Variants in MCM5 observed in about 807,000 individuals in gnomAD.
MCM5 encodes the protein minichromosome maintenance complex component 5.
Under a neutral mutation model 79.9 loss-of-function variants are expected in MCM5, and 46 were observed. The observed-to-expected ratio is 0.58, with a 90% CI of 0.45 to 0.74. The LOEUF is 0.74. Ranked by LOEUF, MCM5 falls within the 30% of genes least tolerant of loss-of-function variation. The pLI is 0.00. For missense variants in MCM5, 883 were observed against 1,017.0 expected (o/e 0.87, Z 1.79); for synonymous variants, 404 against 390.5 (o/e 1.03, Z -0.41).
At chr22:35,432,416 C>G in the MCM5 span, among the ~76,000 whole-genome samples, 1 of 152,152 alleles carries the variant, frequency 6.6e-6, no homozygotes, top group African/African-American at 2.4e-5. Context: ...ACATAAGCGC[C>G]TCACCCTGGG....
rs1208456961 is a variant in MCM5 at position 35,416,736 on chromosome 22, T to G, written c.1512T>G (p.Ile504Met). ...RWDETKGEDN[I>M]DFMPTILSRF... ...ATGAGACGAAGGGGGAGGACAACAT[T>G]GACTTCATGCCCACCATCTTGTCGC... The change falls in exon 12 of 17, where the codon ATT (isoleucine) becomes ATG (methionine). Residue 504 changes from isoleucine to methionine, a missense_variant. Physicochemically the swap from Ile to Met is conservative, Grantham distance 10. This residue lies in a region of MCM5 where 426 missense variants were observed against 482.3 expected (regional missense o/e 0.88). Coordinates refer to ENST00000216122, the MANE Select transcript of MCM5 (RefSeq NM_006739.4). 6.2e-7 allele frequency: 1 copy of G among 1,614,072 alleles called. No homozygotes were observed. The highest frequency in any genetic ancestry group is 1.1e-5 in the South Asian group (1 of 91,074).
Position 35,419,968 on chromosome 22 carries a change from C to T in MCM5, c.1788C>T (p.His596=), listed in dbSNP as rs756212519. The change falls in exon 14 of 17, where the codon CAC becomes CAT. Residue 596 remains histidine (H), a synonymous_variant. Transcript: ENST00000216122. ...YIIMRSGARQ[H]ERDSDRRSSI... is the part of the protein sequence containing the mutation. ...TCATGCGGAGCGGGGCCCGTCAGCACGAGAGGGACAGTGACCGCCGCTCCA... is the reference window on the plus strand; with the variant it reads ...TCATGCGGAGCGGGGCCCGTCAGCATGAGAGGGACAGTGACCGCCGCTCCA... The T allele has an allele frequency of 3.5e-5, 56 of 1,612,720 alleles. No homozygotes were observed. In the Admixed American group the frequency reaches 3.5e-4, roughly 10 times the overall value.
chr22:35,412,392 TGGCCCTAAG>T lies in MCM5; in HGVS notation c.920-105_920-97del, dbSNP rs370433564. 1.3e-3 allele frequency: 1,006 copies of T among 767,960 alleles called. 13 individuals are homozygous for T. Among genetic ancestry groups the T allele is most frequent in the African/African-American group, 0.013 (735 of 56,270 alleles). The allele number at this position is 767,960 out of a possible 1,614,324, so 47.6% of individuals were successfully genotyped here. ...TTTACTCAGATAGGTTGTGCTGTCCTGGCCCTAAGGGCCCTAAGGGCTCTGCCTTCTGGG... is the reference window on the plus strand; with the variant it reads ...TTTACTCAGATAGGTTGTGCTGTCCTGGCCCTAAGGGCTCTGCCTTCTGGG... On this transcript the variant is annotated intron_variant, in intron 7 of 16. Coordinates refer to ENST00000216122, the MANE Select transcript of MCM5 (RefSeq NM_006739.4).
At chr22:35,452,580 G>A in the MCM5 span, among the ~76,000 whole-genome samples, 2 of 152,150 alleles carry the variant, frequency 1.3e-5, no homozygotes, top group African/African-American at 4.8e-5. Context: ...GTCTGGCAGC[G>A]GGCAGGGCAG....
the MCM5 span, among the ~76,000 whole-genome samples, chr22:35,451,716 A>G: frequency 1.3e-5 from 2 of 152,236 alleles, no homozygotes; most frequent in African/African-American, 2.4e-5. Context: ...GGCCCTCAGC[A>G]TATGATGTCA....
intron 8 of MCM5, 128 bp from the exon 9 acceptor site, chr22:35,413,747 C>G: frequency 3.0e-6 from 2 of 658,676 alleles, no homozygotes; most frequent in Non-Finnish European, 5.6e-6. Context: ...CAGCCACTAC[C>G]TTCTTACCAA....
chr22:35,437,038 C>G, the MCM5 span, among the ~76,000 whole-genome samples: 1 of 152,228 alleles, frequency 6.6e-6, no homozygotes, highest in Non-Finnish European at 1.5e-5. Flanking sequence ...AGAAATTTCT[C>G]TGAACACAGC....
chr22:35,421,915 T>G, intron 15 of MCM5: 1 of 278,228 alleles, frequency 3.6e-6, no homozygotes, highest in Non-Finnish European at 7.1e-6. Flanking sequence ...AAGATCACAG[T>G]CGCTTGGCTG....
the MCM5 span, among the ~76,000 whole-genome samples, chr22:35,451,505 T>G: frequency 6.6e-6 from 1 of 152,112 alleles, no homozygotes; most frequent in East Asian, 1.9e-4. Context: ...ATCTCCAGAG[T>G]TCTCTGACTC....
In MCM5 at chr22:35,424,252, G is replaced by A. The variant is rs748877807; in HGVS notation, c.2202G>A (p.Lys734=). ...AGCGCAAGGTTCTCTACCGCCTCAA[G>A]TGAGTCGCGCCGCCTCACTGGACTC... ...RMQRKVLYRL[K] is the part of the protein sequence containing the mutation. Residue 734 remains lysine, a synonymous_variant, in exon 17 of 17, where the codon AAG becomes AAA. Coordinates refer to ENST00000216122, the MANE Select transcript of MCM5 (RefSeq NM_006739.4). The A allele has an allele frequency of 1.9e-6, 3 of 1,543,472 alleles. No individual in the cohort carries two copies. Among genetic ancestry groups the A allele is most frequent in the East Asian group, 2.5e-5 (1 of 40,462 alleles).
the MCM5 span, among the ~76,000 whole-genome samples, chr22:35,453,817 TATAGAGAGAG>T: frequency 3.8e-5 from 3 of 78,258 alleles, no homozygotes; most frequent in Non-Finnish European, 7.5e-5. Context: ...TATATATATA[TATAGAGAGAG>T]AGAGAGAGAG....
chr22:35,451,269 C>T, the MCM5 span, among the ~76,000 whole-genome samples: 6 of 101,276 alleles, frequency 5.9e-5, no homozygotes, highest in East Asian at 9.5e-4. Context: ...CCAGGGTTTT[C>T]GATGAAGAAT....
the MCM5 span, among the ~76,000 whole-genome samples, chr22:35,432,553 A>G: frequency 6.6e-6 from 1 of 152,204 alleles, no homozygotes; most frequent in Admixed American, 6.5e-5. Flanking sequence ...ATCTCCTCCA[A>G]CTTCCTTGGG....
chr22:35,400,724 G>A (rs1932020154), intron 2 of MCM5, 119 bp downstream of exon 2: 7 of 1,131,444 alleles, frequency 6.2e-6, no homozygotes, highest in South Asian at 1.6e-5. Context: ...GGAAAGAGCC[G>A]GTCCTGGGTC....
At chr22:35,454,309 A>T in the MCM5 span, among the ~76,000 whole-genome samples, 1 of 152,148 alleles carries the variant, frequency 6.6e-6, no homozygotes, top group Non-Finnish European at 1.5e-5. Context: ...TTTACACCAC[A>T]GGGGCGTCCT....
At chr22:35,421,256 C>T in intron 14 of MCM5, 62 bp from the exon 15 acceptor site, 3 of 1,551,528 alleles carry the variant, frequency 1.9e-6, no homozygotes, top group Non-Finnish European at 2.6e-6. Flanking sequence ...TGGTAACGGG[C>T]TGGCTGGGGA....
the MCM5 span, among the ~76,000 whole-genome samples, chr22:35,449,068 G>T: frequency 1.3e-5 from 2 of 152,306 alleles, no homozygotes; most frequent in South Asian, 2.1e-4. Flanking sequence ...AGGAGGAAAG[G>T]GGGGTTGTCA....
In MCM5 at chr22:35,412,592, C is replaced by T. The variant is rs2307341; in HGVS notation, c.1002C>T (p.Val334=). 319 of 1,589,286 alleles carry T rather than the reference C, an allele frequency of 2.0e-4. 4 individuals carry two copies. In the South Asian group the frequency reaches 3.5e-3, roughly 18 times the overall value. The change falls in exon 8 of 17, where the codon GTC becomes GTT. Residue 334 remains valine, a synonymous_variant. Coordinates refer to ENST00000216122, the MANE Select transcript of MCM5 (RefSeq NM_006739.4). ...CTGCCCTCCCAAATGTCTATGAGGT[C>T]ATCTCCAAGAGCATCGCCCCCTCCA... is the stretch of plus-strand genomic sequence containing the variant. ...RLAALPNVYE[V]ISKSIAPSIF...
In MCM5 at chr22:35,417,847, A is replaced by G. The variant is rs1932588573; in HGVS notation, c.1694A>G (p.Tyr565Cys). Residue 565 changes from tyrosine (Y) to cysteine (C), a missense_variant, in exon 13 of 17, where the codon TAC (tyrosine) becomes TGC (cysteine). Coordinates refer to ENST00000216122, the MANE Select transcript of MCM5 (RefSeq NM_006739.4). ...DLAKLKKFIA[Y>C]CRVKCGPRLS... ...GCCAAGCTGAAGAAGTTTATTGCCT[A>G]CTGCCGAGTGTGAGTCCTGGACGCA... 6.2e-7 allele frequency: 1 copy of G among 1,613,796 alleles called. No homozygotes were observed. The highest frequency in any genetic ancestry group is 8.5e-7 in the Non-Finnish European group (1 of 1,179,720).
Sources: allele counts gnomAD v4.1 joint callset (sites outside exome capture counted in the v4.1 genomes callset), GRCh38; gene constraint gnomAD v4.1.1; regional missense constraint gnomAD v4.1.1; transcripts MANE v1.5; gene names NCBI Gene and HGNC (gene_info 2026-07-23, HGNC 2026-07-21).